CBLN2: variants seen among roughly 807,000 people sequenced by gnomAD.
CBLN2 encodes the protein cerebellin 2 precursor, also known as cerebellin-2.
CBLN2 carries 7 observed loss-of-function variants against 15.0 expected under a neutral mutation model. The ratio of observed to expected loss-of-function variants is 0.47; its 90% CI spans 0.27 to 0.88. The LOEUF (loss-of-function observed/expected upper bound fraction) is 0.88, where lower values mean the gene tolerates loss of function less well. Among genes scored for constraint, CBLN2 ranks in the 40% least tolerant of loss-of-function variants. CBLN2 has a pLI of 0.14. For synonymous variants in CBLN2, 149 were observed against 135.2 expected (o/e 1.10, Z -0.71); for missense variants, 242 against 304.5 (o/e 0.79, Z 1.53).
At chr18:72,612,023 T>C (rs2069625815) in intron 1 of CBLN2, among the ~76,000 whole-genome samples, 1 of 152,194 alleles carries the variant, frequency 6.6e-6, no homozygotes, top group Admixed American at 6.5e-5. Context: ...TTATTTTTTA[T>C]CAATTTTGTG....
intron 1 of CBLN2, among the ~76,000 whole-genome samples, chr18:72,610,578 C>T (rs935832966): frequency 2.6e-5 from 4 of 152,054 alleles, no homozygotes; most frequent in African/African-American, 9.7e-5. Flanking sequence ...CTGCTGTAAT[C>T]CCAGCACCTA....
At chr18:72,576,296 T>C (rs2069366121) in intron 1 of CBLN2, among the ~76,000 whole-genome samples, 1 of 152,206 alleles carries the variant, frequency 6.6e-6, no homozygotes, top group Non-Finnish European at 1.5e-5. Context: ...CACACATTTT[T>C]AGCCTTAGAA....
At chr18:72,560,867 G>A (rs1568255732) in intron 1 of CBLN2, among the ~76,000 whole-genome samples, 1 of 152,066 alleles carries the variant, frequency 6.6e-6, no homozygotes, top group African/African-American at 2.4e-5. Context: ...AAATTAGCCG[G>A]GAGTGGTGGT....
chr18:72,558,114 C>T (rs145679403), intron 1 of CBLN2, among the ~76,000 whole-genome samples: 1 of 152,242 alleles, frequency 6.6e-6, no homozygotes, highest in Admixed American at 6.5e-5. Context: ...ATGTAAACAA[C>T]TTTTAAAATC....
chr18:72,617,819 A>G (rs764334858), intron 1 of CBLN2, among the ~76,000 whole-genome samples: 11 of 152,180 alleles, frequency 7.2e-5, no homozygotes, highest in Non-Finnish European at 1.2e-4. Flanking sequence ...CTCAGTTAGT[A>G]GTAATAGTGG....
chr18:72,586,180 C>T (rs1432737372), intron 1 of CBLN2, among the ~76,000 whole-genome samples: 1 of 152,206 alleles, frequency 6.6e-6, no homozygotes, highest in Non-Finnish European at 1.5e-5. Context: ...GGCCATGCCT[C>T]CCCTGCTGCA....
intron 4 of CBLN2, 92 bp from the exon 5 acceptor site, chr18:72,538,465 C>T (rs2069084682): frequency 2.7e-6 from 4 of 1,483,506 alleles, no homozygotes; most frequent in South Asian, 1.2e-5. Context: ...CTCCCACCCC[C>T]ATCCTTCCCT....
At chr18:72,578,451 A>G (rs529664282) in intron 1 of CBLN2, among the ~76,000 whole-genome samples, 12 of 152,332 alleles carry the variant, frequency 7.9e-5, no homozygotes, top group African/African-American at 2.6e-4. Context: ...TCATTCCATA[A>G]GGAAAAAAAC....
In CBLN2 at chr18:72,536,975, A is replaced by G. The variant is rs1280854819; in HGVS notation, c.*1201T>C. ...TTTCAGGTGGCTTCTCGCCAGGTGCATGCAGGAGAGTGTCAATGCATCCCT... is the reference window on the plus strand; with the variant it reads ...TTTCAGGTGGCTTCTCGCCAGGTGCGTGCAGGAGAGTGTCAATGCATCCCT... On this transcript the variant is annotated 3_prime_UTR_variant, in exon 5 of 5. Coordinates refer to ENST00000269503, the MANE Select transcript of CBLN2 (RefSeq NM_182511.4). The G allele has an allele frequency of 6.6e-6, 1 of 152,620 alleles. No homozygotes were observed. Among genetic ancestry groups the G allele is most frequent in the Non-Finnish European group, 1.5e-5 (1 of 68,072 alleles). 9.5% of individuals were successfully genotyped at this position (152,620 alleles called of 1,614,324 possible).
At chr18:72,588,686 C>T (rs888333355) in intron 1 of CBLN2, among the ~76,000 whole-genome samples, 4 of 152,160 alleles carry the variant, frequency 2.6e-5, no homozygotes, top group Non-Finnish European at 5.9e-5. Context: ...GAAAGCTCCT[C>T]TTGGGGTAGG....
At chr18:72,618,789 TA>T in intron 1 of CBLN2, 1 of 734,152 alleles carries the variant, frequency 1.4e-6, no homozygotes, top group Non-Finnish European at 2.5e-6. Context: ...GCCACAACTG[TA>T]AAGTTAGGAA....
intron 1 of CBLN2, among the ~76,000 whole-genome samples, chr18:72,623,664 T>C (rs2144969590): frequency 6.6e-6 from 1 of 152,188 alleles, no homozygotes; most frequent in South Asian, 2.1e-4. Flanking sequence ...AAGCTGCTTG[T>C]CTATAAACTA....
chr18:72,615,062 T>C (rs1183846093), intron 1 of CBLN2, among the ~76,000 whole-genome samples: 3 of 137,484 alleles, frequency 2.2e-5, no homozygotes, highest in Non-Finnish European at 4.6e-5. Flanking sequence ...TATATAAATA[T>C]ATATATTTAT....
intron 1 of CBLN2, among the ~76,000 whole-genome samples, chr18:72,554,909 G>A (rs1351323462): frequency 2.6e-5 from 4 of 152,144 alleles, no homozygotes; most frequent in Admixed American, 6.5e-5. Flanking sequence ...GCCTAGATGG[G>A]CGGAACACTT....
At position 72,537,126 on chromosome 18, in the gene CBLN2, C is replaced by A. The variant is rs1427233823; in HGVS notation, c.*1050G>T. ...AATTAAATCACCCACAGAGAAGTCA[C>A]AGCACACGTGGCAAAGACATAGTAT... On this transcript the variant is annotated 3_prime_UTR_variant, in exon 5 of 5. Coordinates refer to ENST00000269503, the MANE Select transcript of CBLN2 (RefSeq NM_182511.4). 1.3e-5 allele frequency: 2 copies of A among 152,132 alleles called. No homozygotes were observed. The highest frequency in any genetic ancestry group is 4.8e-5 in the African/African-American group (2 of 41,420). 9.4% of individuals were successfully genotyped at this position (152,132 alleles called of 1,614,324 possible). A position where few individuals can be genotyped will look rare whatever the true frequency, so the allele number is the denominator to read the frequency against.
At chr18:72,618,991 G>A in intron 1 of CBLN2, 1 of 766,980 alleles carries the variant, frequency 1.3e-6, no homozygotes, top group Non-Finnish European at 2.3e-6. Context: ...CAGCGGGGAT[G>A]GTCATCATGG....
chr18:72,629,346 A>G (rs1475797198), intron 1 of CBLN2, among the ~76,000 whole-genome samples: 1 of 152,180 alleles, frequency 6.6e-6, no homozygotes, highest in Non-Finnish European at 1.5e-5. Context: ...AAAATTTAAA[A>G]GCATGTCCTA....
chr18:72,617,842 A>T (rs958694236), intron 1 of CBLN2, among the ~76,000 whole-genome samples: 1 of 152,160 alleles, frequency 6.6e-6, no homozygotes, highest in Non-Finnish European at 1.5e-5. Context: ...AGGAGGCACA[A>T]CCTGGTATGC....
chr18:72,636,962 G>GA (rs74312574), intron 1 of CBLN2, among the ~76,000 whole-genome samples: 28 of 137,716 alleles, frequency 2.0e-4, no homozygotes, highest in Admixed American at 3.0e-4. Flanking sequence ...CAATACACAT[G>GA]AAAAAAAAAA....
Sources: gnomAD v4.1 joint callset for allele counts (sites outside exome capture counted in the v4.1 genomes callset) on GRCh38, gnomAD v4.1.1 for gene constraint, MANE v1.5 for transcripts, NCBI Gene and HGNC (gene_info 2026-07-23, HGNC 2026-07-21) for gene names.